Variants in HOXD1 observed in about 807,000 individuals in gnomAD.
The protein encoded by HOXD1 is homeobox D1, also known as homeobox protein Hox-D1.
HOXD1 carries 17 observed loss-of-function variants against 19.9 expected under a neutral mutation model. The ratio of observed to expected loss-of-function variants is 0.85; its 90% CI spans 0.58 to 1.28. The LOEUF (loss-of-function observed/expected upper bound fraction) is 1.28, where lower values mean the gene tolerates loss of function less well. Among genes scored for constraint, HOXD1 ranks in the 50% most tolerant of loss-of-function variants. The pLI is 0.00. For synonymous variants in HOXD1, 239 were observed against 216.0 expected (o/e 1.11, Z -0.93); for missense variants, 500 against 460.1 (o/e 1.09, Z -0.79).
In HOXD1 at chr2:176,189,082, G is replaced by T; in HGVS notation, c.281G>T (p.Gly94Val). 1.3e-6 allele frequency: 2 copies of T among 1,500,536 alleles called. No homozygotes were observed. The highest frequency in any genetic ancestry group is 2.2e-4 in the Middle Eastern group (1 of 4,524). 93.0% of individuals were successfully genotyped at this position (1,500,536 alleles called of 1,614,324 possible). Residue 94 changes from glycine (G) to valine (V), a missense_variant, in exon 1 of 2, where the codon GGT (glycine) becomes GTT (valine). Coordinates refer to ENST00000331462, the MANE Select transcript of HOXD1 (RefSeq NM_024501.3). The part of the protein sequence containing the change: ...QCTLEGAYEP[G>V]AAPAAAAGGA... ...ACCCTGGAGGGGGCCTACGAACCTG[G>T]TGCCGCACCTGCCGCGGCAGCTGGG... is the stretch of plus-strand genomic sequence containing the variant.
Position 176,190,453 on chromosome 2 carries a change from G to T in HOXD1, c.*311G>T. 1 of 361,126 alleles carries T rather than the reference G, an allele frequency of 2.8e-6. No homozygotes were observed. The highest frequency in any genetic ancestry group is 4.9e-5 in the East Asian group (1 of 20,296). The allele number at this position is 361,126 out of a possible 1,614,324, so 22.4% of individuals were successfully genotyped here. On this transcript the variant is annotated 3_prime_UTR_variant, in exon 2 of 2. Coordinates refer to ENST00000331462, the MANE Select transcript of HOXD1 (RefSeq NM_024501.3). ...TCATGTGCAATTCGCGTTGCAGAGTGGCAGACCATTAGTTGCTGAGTTCTG... is the reference window on the plus strand; with the variant it reads ...TCATGTGCAATTCGCGTTGCAGAGTTGCAGACCATTAGTTGCTGAGTTCTG...
At position 176,188,713 on chromosome 2, in the gene HOXD1, C is replaced by A; in HGVS notation, c.-89C>A. The A allele has an allele frequency of 1.5e-6, 2 of 1,353,636 alleles. No homozygotes were observed. Among genetic ancestry groups the A allele is most frequent in the Non-Finnish European group, 2.1e-6 (2 of 971,216 alleles). The allele number at this position is 1,353,636 out of a possible 1,614,324, so 83.9% of individuals were successfully genotyped here. On this transcript the variant is annotated 5_prime_UTR_variant, in exon 1 of 2. Transcript: ENST00000331462. ...GCTCGGGTAGAGAGGGCTGGCGGAG[C>A]GGCGCAGACGGCGGCAGTCCTGCTC...
intron 1 of HOXD1, 29 bp from the exon 2 acceptor site, chr2:176,189,779 C>T (rs750423712): frequency 8.1e-6 from 13 of 1,611,288 alleles, no homozygotes; most frequent in Non-Finnish European, 1.0e-5. Context: ...GGCCTCAGGC[C>T]TGGCTGACGC....
chr2:176,189,593 TC>T (rs1691749811), intron 1 of HOXD1, 140 bp downstream of exon 1: 6 of 1,568,666 alleles, frequency 3.8e-6, no homozygotes, highest in Non-Finnish European at 5.2e-6. Context: ...CCGGGCGAAT[TC>T]CATGGAGTCT....
chr2:176,189,041 C>T lies in HOXD1; in HGVS notation c.240C>T (p.Pro80=). ...CGTCCGTACCGCCTCCGGCCGCGCC[C>T]CAGTACGCGCAGTGCACCCTGGAGG... ...ARPSVPPPAA[P]QYAQCTLEGA... Residue 80 remains proline (P), a synonymous_variant, in exon 1 of 2, where the codon CCC becomes CCT. Transcript: ENST00000331462. 3 of 1,418,370 alleles carry T rather than the reference C, an allele frequency of 2.1e-6. No individual in the cohort carries two copies. Among genetic ancestry groups the T allele is most frequent in the East Asian group, 2.9e-5 (1 of 34,876 alleles). 87.9% of individuals were successfully genotyped at this position (1,418,370 alleles called of 1,614,324 possible). A position where few individuals can be genotyped will look rare whatever the true frequency, so the allele number is the denominator to read the frequency against.
rs1691731438 is a variant in HOXD1 at position 176,189,061 on chromosome 2, T to G, written c.260T>G (p.Leu87Arg). 1 of 1,474,994 alleles carries G rather than the reference T, an allele frequency of 6.8e-7. No homozygotes were observed. The highest frequency in any genetic ancestry group is 8.9e-7 in the Non-Finnish European group (1 of 1,122,908). 91.4% of individuals were successfully genotyped at this position (1,474,994 alleles called of 1,614,324 possible). A position where few individuals can be genotyped will look rare whatever the true frequency, so the allele number is the denominator to read the frequency against. The change falls in exon 1 of 2, where the codon CTG (leucine) becomes CGG (arginine). Residue 87 changes from leucine to arginine, a missense_variant. Leu to Arg is a moderately radical substitution (Grantham distance 102, BLOSUM62 -2). Transcript: ENST00000331462. ...GCGCCCCAGTACGCGCAGTGCACCC[T>G]GGAGGGGGCCTACGAACCTGGTGCC... is the stretch of plus-strand genomic sequence containing the variant. ...PAAPQYAQCT[L>R]EGAYEPGAAP...
At position 176,189,404 on chromosome 2, in the gene HOXD1, C is replaced by T. The variant is rs551896412; in HGVS notation, c.603C>T (p.Ala201=). Residue 201 remains alanine (A), a synonymous_variant, in exon 1 of 2, where the codon GCC becomes GCT. Transcript: ENST00000331462. ...CTCCCGCCTCCGGCCTCCCTGCCGC[C>T]TTCAGCACGTTCGAGTGGATGAAAG... is the stretch of plus-strand genomic sequence containing the variant. ...SVSPASGLPA[A]FSTFEWMKVK... 1 of 1,613,196 alleles carries T rather than the reference C, an allele frequency of 6.2e-7. No individual in the cohort carries two copies. The highest frequency in any genetic ancestry group is 1.1e-5 in the South Asian group (1 of 91,058).
chr2:176,188,774 G>C lies in HOXD1; in HGVS notation c.-28G>C, dbSNP rs763234140. The C allele has an allele frequency of 2.1e-5, 33 of 1,601,546 alleles. No individual in the cohort carries two copies. The Middle Eastern group carries it at 1.5e-3, about 73-fold the overall frequency. On this transcript the variant is annotated 5_prime_UTR_variant, in exon 1 of 2. Transcript: ENST00000331462. ...CGGCTCCGTACTCCGGCCCCGGCCTGCGCCCTCAGAAAGGTGGGGCCCGAA... is the reference window on the plus strand; with the variant it reads ...CGGCTCCGTACTCCGGCCCCGGCCTCCGCCCTCAGAAAGGTGGGGCCCGAA...
Position 176,189,282 on chromosome 2 carries a change from G to A in HOXD1, c.481G>A (p.Gly161Ser), listed in dbSNP as rs768733576. The A allele has an allele frequency of 2.5e-6, 4 of 1,606,922 alleles. No individual in the cohort carries two copies. Among genetic ancestry groups the A allele is most frequent in the African/African-American group, 2.7e-5 (2 of 74,914 alleles). The change falls in exon 1 of 2, where the codon GGC (glycine) becomes AGC (serine). Residue 161 changes from glycine (G) to serine (S), a missense_variant. By Grantham distance (56) the Gly-to-Ser change is moderately conservative. Transcript: ENST00000331462. Reference sequence around the variant, plus strand: ...GGATTACGCGGCCTTCGGCGAACCCGGCCCTTTTCCGGCTTGTCTCAAAGC... The same window carrying A: ...GGATTACGCGGCCTTCGGCGAACCCAGCCCTTTTCCGGCTTGTCTCAAAGC... ...QVDYAAFGEPGPFPACLKASA... is the reference protein window; with the variant it reads ...QVDYAAFGEPSPFPACLKASA...
At position 176,189,158 on chromosome 2, in the gene HOXD1, C is replaced by G; in HGVS notation, c.357C>G (p.Gly119=). The change falls in exon 1 of 2, where the codon GGC becomes GGG. Residue 119 remains glycine (G), a synonymous_variant. Coordinates refer to ENST00000331462, the MANE Select transcript of HOXD1 (RefSeq NM_024501.3). ...LGSGPAYDFP[G]VLGRAADDGG... is the part of the protein sequence containing the mutation. The stretch of plus-strand genomic sequence containing the variant: ...CCGGGCCGGCGTACGACTTCCCGGG[C>G]GTGCTGGGGCGGGCGGCCGACGACG... The G allele has an allele frequency of 6.3e-7, 1 of 1,590,504 alleles. No individual in the cohort carries two copies. Among genetic ancestry groups the G allele is most frequent in the South Asian group, 1.1e-5 (1 of 88,328 alleles).
chr2:176,190,168 G>A lies in HOXD1; in HGVS notation c.*26G>A, dbSNP rs745772370. On this transcript the variant is annotated 3_prime_UTR_variant, in exon 2 of 2. Coordinates refer to ENST00000331462, the MANE Select transcript of HOXD1 (RefSeq NM_024501.3). ...GGCCGGTACTTGGGGCCGAAAAACT[G>A]TGGCCTGCAGAAGTCCCAGGCGACC... 6.6e-7 allele frequency: 1 copy of A among 1,509,224 alleles called. No homozygotes were observed. 93.5% of individuals were successfully genotyped at this position (1,509,224 alleles called of 1,614,324 possible). A position where few individuals can be genotyped will look rare whatever the true frequency, so the allele number is the denominator to read the frequency against.
At position 176,190,161 on chromosome 2, in the gene HOXD1, A is replaced by G. The variant is rs746868315; in HGVS notation, c.*19A>G. The G allele has an allele frequency of 4.5e-6, 7 of 1,539,216 alleles. No homozygotes were observed. Among genetic ancestry groups the G allele is most frequent in the Non-Finnish European group, 6.2e-6 (7 of 1,134,630 alleles). ...TTCGTGAGGCCGGTACTTGGGGCCGAAAAACTGTGGCCTGCAGAAGTCCCA... is the reference window on the plus strand; with the variant it reads ...TTCGTGAGGCCGGTACTTGGGGCCGGAAAACTGTGGCCTGCAGAAGTCCCA... On this transcript the variant is annotated 3_prime_UTR_variant, in exon 2 of 2. Transcript: ENST00000331462.
chr2:176,189,243 C>A lies in HOXD1; in HGVS notation c.442C>A (p.Leu148Ile). ...AVFSGGGSFL[L>I]SGQVDYAAFG... ...CTTCTCGGGCGGCGGCTCTTTCCTC[C>A]TCAGCGGCCAGGTGGATTACGCGGC... The change falls in exon 1 of 2, where the codon CTC becomes ATC. Residue 148 changes from leucine to isoleucine, a missense_variant. Transcript: ENST00000331462. The A allele has an allele frequency of 6.3e-7, 1 of 1,596,712 alleles. No individual in the cohort carries two copies. The highest frequency in any genetic ancestry group is 8.5e-7 in the Non-Finnish European group (1 of 1,172,568).
rs371289917 is a variant in HOXD1, at chr2:176,189,805, C to T, written c.653-3C>T. 9.3e-6 allele frequency: 15 copies of T among 1,612,866 alleles called. No individual in the cohort carries two copies. The highest frequency in any genetic ancestry group is 1.7e-5 in the Admixed American group (1 of 59,926). ...TGGCTGACGCCCTGTCTTTACGTTG[C>T]AGGCAAACTCGCCGAGTATGGGGCC... is the stretch of plus-strand genomic sequence containing the variant. On this transcript the variant is annotated splice_region_variant and splice_polypyrimidine_tract_variant and intron_variant, in intron 1 of 1. Transcript: ENST00000331462.
At chr2:176,189,714 C>A (rs770030543) in intron 1 of HOXD1, 94 bp from the exon 2 acceptor site, 1 of 1,611,826 alleles carries the variant, frequency 6.2e-7, no homozygotes, top group African/African-American at 1.3e-5. Context: ...CCCAGGAGGG[C>A]TGCGCTGGGA....
At position 176,190,274 on chromosome 2, in the gene HOXD1, TGAA is replaced by T. The variant is rs1312575581; in HGVS notation, c.*134_*136del. On this transcript the variant is annotated 3_prime_UTR_variant, in exon 2 of 2. Transcript: ENST00000331462. ...ATGAATAGGGATTTCACTTGGGAAA[TGAA>T]GTACTTTAGTTGGCTTCCGAGTTCC... 1 of 642,404 alleles carries T rather than the reference TGAA, an allele frequency of 1.6e-6. No individual in the cohort carries two copies. The highest frequency in any genetic ancestry group is 1.8e-5 in the African/African-American group (1 of 54,350). 39.8% of individuals were successfully genotyped at this position (642,404 alleles called of 1,614,324 possible). A position where few individuals can be genotyped will look rare whatever the true frequency, so the allele number is the denominator to read the frequency against.
chr2:176,190,201 C>T lies in HOXD1; in HGVS notation c.*59C>T. 2.6e-6 allele frequency: 3 copies of T among 1,161,680 alleles called. No individual in the cohort carries two copies. The highest frequency in any genetic ancestry group is 3.7e-6 in the Non-Finnish European group (3 of 808,966). 72.0% of individuals were successfully genotyped at this position (1,161,680 alleles called of 1,614,324 possible). ...CAGAAGTCCCAGGCGACCCCCATCC[C>T]TATCTAGACTTAGGAGCTCAGTTTG... On this transcript the variant is annotated 3_prime_UTR_variant, in exon 2 of 2. Coordinates refer to ENST00000331462, the MANE Select transcript of HOXD1 (RefSeq NM_024501.3).
In HOXD1 at chr2:176,189,815, C is replaced by G. The variant is rs200100987; in HGVS notation, c.660C>G (p.Leu220=). ...VKRNASKKGK[L]AEYGAASPSS... ...CCTGTCTTTACGTTGCAGGCAAACT[C>G]GCCGAGTATGGGGCCGCTAGCCCCT... Residue 220 remains leucine (L), a synonymous_variant, in exon 2 of 2, where the codon CTC becomes CTG. Transcript: ENST00000331462. 48 of 1,613,408 alleles carry G rather than the reference C, an allele frequency of 3.0e-5. No individual in the cohort carries two copies. The highest frequency in any genetic ancestry group is 3.8e-5 in the Non-Finnish European group (45 of 1,179,500).
rs755509425 is a variant in HOXD1, at chr2:176,190,123, A to C, written c.968A>C (p.Gln323Pro). 3.7e-6 allele frequency: 6 copies of C among 1,604,212 alleles called. No homozygotes were observed. The highest frequency in any genetic ancestry group is 2.6e-6 in the Non-Finnish European group (3 of 1,174,718). ...KFIKNPGSPS[Q>P]SQEPS ...ATCAAGAACCCCGGCAGCCCTTCTC[A>C]GTCCCAAGAGCCTTCGTGAGGCCGG... Residue 323 changes from glutamine to proline, a missense_variant, in exon 2 of 2, where the codon CAG becomes CCG. By Grantham distance (76) the Gln-to-Pro change is moderately conservative (BLOSUM62 -1). Coordinates refer to ENST00000331462, the MANE Select transcript of HOXD1 (RefSeq NM_024501.3).
Sources: allele counts gnomAD v4.1 joint callset, GRCh38; gene constraint gnomAD v4.1.1; transcripts MANE v1.5; gene names NCBI Gene and HGNC (gene_info 2026-07-23, HGNC 2026-07-21).